The following ZDHHC5 variants were observed in gnomAD, a reference collection of about 807,000 sequenced individuals.
ZDHHC5 encodes zDHHC palmitoyltransferase 5, also known as palmitoyltransferase ZDHHC5.
ZDHHC5 carries 22 observed loss-of-function variants against 70.0 expected under a neutral mutation model. The ratio of observed to expected loss-of-function variants is 0.31; its 90% CI spans 0.22 to 0.45. The LOEUF (loss-of-function observed/expected upper bound fraction) is 0.45. Among genes scored for constraint, ZDHHC5 ranks in the 20% least tolerant of loss-of-function variants. The probability of loss-of-function intolerance (pLI) is 1.00; values close to 1 mark genes in which losing one functional copy is unlikely to be tolerated. For missense variants in ZDHHC5, 746 were observed against 926.9 expected, an observed-to-expected ratio of 0.80 and a Z score of 2.53; for synonymous variants, 313 against 347.8, an observed-to-expected ratio of 0.90 and a Z score of 1.11.
Position 57,699,143 on chromosome 11 carries a change from A to G in ZDHHC5, c.1707A>G (p.Ser569=). ...GREEEPGLGD[S]GIQSTPGSGH... Reference sequence around the variant, plus strand: ...AGGAAGAACCAGGCTTGGGGGACTCAGGCATTCAGTCAACACCAGGCTCGG... The same window carrying G: ...AGGAAGAACCAGGCTTGGGGGACTCGGGCATTCAGTCAACACCAGGCTCGG... The change falls in exon 11 of 12, where the codon TCA becomes TCG. Residue 569 remains serine (S), a synonymous_variant. Coordinates refer to ENST00000287169, the MANE Select transcript of ZDHHC5 (RefSeq NM_015457.3). 6.2e-7 allele frequency: 1 copy of G among 1,614,248 alleles called. No individual in the cohort carries two copies. Among genetic ancestry groups the G allele is most frequent in the Non-Finnish European group, 8.5e-7 (1 of 1,180,036 alleles).
chr11:57,693,762 T>C, intron 7 of ZDHHC5, 21 bp from the exon 8 acceptor site: 1 of 1,542,724 alleles, frequency 6.5e-7, no homozygotes, highest in Non-Finnish European at 8.7e-7. Context: ...TGTCTCTCTC[T>C]CTCTCTCTCT....
intron 3 of ZDHHC5, 26 bp from the exon 4 acceptor site, chr11:57,688,482 T>G: frequency 6.6e-7 from 1 of 1,520,494 alleles, no homozygotes; most frequent in South Asian, 1.3e-5. Context: ...GCATAGTTGT[T>G]TTTAATTGAC....
At chr11:57,697,355 C>G (rs371842423) in intron 10 of ZDHHC5, among the ~76,000 whole-genome samples, 2 of 151,792 alleles carry the variant, frequency 1.3e-5, no homozygotes, top group Non-Finnish European at 2.9e-5. Context: ...CCCAGCTACT[C>G]GGGAGGCTGA....
At chr11:57,694,178 G>C (rs1271620317) in intron 8 of ZDHHC5, among the ~76,000 whole-genome samples, 1 of 151,828 alleles carries the variant, frequency 6.6e-6, no homozygotes, top group South Asian at 2.1e-4. Context: ...TTTTAGTAGA[G>C]ATGGGGTTTT....
intron 2 of ZDHHC5, among the ~76,000 whole-genome samples, chr11:57,675,130 C>A (rs1187135071): frequency 6.6e-6 from 1 of 152,132 alleles, no homozygotes; most frequent in East Asian, 1.9e-4. Flanking sequence ...ATCTTAGTAT[C>A]CTGTAGCAAT....
intron 9 of ZDHHC5, 63 bp from the exon 10 acceptor site, chr11:57,696,698 C>T (rs1946355875): frequency 3.5e-6 from 5 of 1,440,782 alleles, no homozygotes; most frequent in Non-Finnish European, 3.9e-6. Context: ...TAGAGTGAGA[C>T]CCTGTCTCTT....
chr11:57,692,494 T>TA, intron 6 of ZDHHC5, 117 bp from the exon 7 acceptor site: 1 of 776,978 alleles, frequency 1.3e-6, no homozygotes, highest in Non-Finnish European at 2.1e-6. Flanking sequence ...TCTTGTGTTT[T>TA]ACTCATTTGC....
chr11:57,700,244 C>T lies in ZDHHC5; in HGVS notation c.*213C>T. 2.1e-6 allele frequency: 1 copy of T among 476,190 alleles called. No homozygotes were observed. 29.5% of individuals were successfully genotyped at this position (476,190 alleles called of 1,614,324 possible). A position where few individuals can be genotyped will look rare whatever the true frequency, so the allele number is the denominator to read the frequency against. ...CTGGGGTAGCAACCCCCCCTTTTAT[C>T]TTTTAAGACCTTCCCTTCCTTGATC... On this transcript the variant is annotated 3_prime_UTR_variant, in exon 12 of 12. Coordinates refer to ENST00000287169, the MANE Select transcript of ZDHHC5 (RefSeq NM_015457.3).
intron 3 of ZDHHC5, 110 bp from the exon 4 acceptor site, chr11:57,688,398 T>C: frequency 8.1e-7 from 1 of 1,240,524 alleles, no homozygotes; most frequent in South Asian, 1.9e-5. Flanking sequence ...TCTCACTCAT[T>C]AGACTGTGAA....
chr11:57,672,193 T>G lies in ZDHHC5; in HGVS notation c.-898T>G, dbSNP rs900881167. 4 of 398,470 alleles carry G rather than the reference T, an allele frequency of 1.0e-5. No individual in the cohort carries two copies. The highest frequency in any genetic ancestry group is 8.2e-5 in the African/African-American group (4 of 48,640). The allele number at this position is 398,470 out of a possible 1,614,324, so 24.7% of individuals were successfully genotyped here. A position where few individuals can be genotyped will look rare whatever the true frequency, so the allele number is the denominator to read the frequency against. ...TGATTTCTTCATCTTATTCTGCCTA[T>G]TGGGAAGAACATGGCTTCAAGGATT... is the stretch of plus-strand genomic sequence containing the variant. On this transcript the variant is annotated 5_prime_UTR_variant, in exon 2 of 12. Coordinates refer to ENST00000287169, the MANE Select transcript of ZDHHC5 (RefSeq NM_015457.3).
chr11:57,671,030 A>T (rs1946000528), intron 1 of ZDHHC5, among the ~76,000 whole-genome samples: 1 of 152,102 alleles, frequency 6.6e-6, no homozygotes, highest in Admixed American at 6.6e-5. Context: ...CTAACTTAAA[A>T]TTTTTGGCTT....
At chr11:57,692,805 G>C (rs527310962) in intron 7 of ZDHHC5, 103 bp downstream of exon 7, 18 of 1,171,278 alleles carry the variant, frequency 1.5e-5, no homozygotes, top group Middle Eastern at 2.2e-4. Flanking sequence ...CTTTAGGAAG[G>C]GTTCTCTATC....
intron 5 of ZDHHC5, 34 bp from the exon 6 acceptor site, chr11:57,690,301 T>C (rs1161877486): frequency 1.2e-6 from 2 of 1,613,978 alleles, no homozygotes; most frequent in East Asian, 2.2e-5. Flanking sequence ...AGTGAGGTCA[T>C]GTTGCTCTGT....
intron 4 of ZDHHC5, 134 bp downstream of exon 4, chr11:57,688,799 A>G: frequency 2.1e-6 from 2 of 943,540 alleles, no homozygotes; most frequent in South Asian, 6.6e-5. Context: ...AGCTCTGTCA[A>G]ATGGTGTTAA....
rs1262248220 is a variant in ZDHHC5 at position 57,699,973 on chromosome 11, G to A, written c.2090G>A (p.Arg697Lys). The change falls in exon 12 of 12, where the codon AGG becomes AAG. Residue 697 changes from arginine (R) to lysine (K), a missense_variant. By Grantham distance (26) the Arg-to-Lys change is conservative. Coordinates refer to ENST00000287169, the MANE Select transcript of ZDHHC5 (RefSeq NM_015457.3). Reference sequence around the variant, plus strand: ...CAGCCACCTCTCAGTAGCCCCACGAGGGGAGGAGTCAAGAAGGTGTCAGGG... The same window carrying A: ...CAGCCACCTCTCAGTAGCCCCACGAAGGGAGGAGTCAAGAAGGTGTCAGGG... ...PGQPPLSSPT[R>K]GGVKKVSGVG... 2 of 1,613,524 alleles carry A rather than the reference G, an allele frequency of 1.2e-6. No individual in the cohort carries two copies. Among genetic ancestry groups the A allele is most frequent in the Non-Finnish European group, 1.7e-6 (2 of 1,179,764 alleles).
chr11:57,671,420 C>T (rs1282802983), intron 1 of ZDHHC5, among the ~76,000 whole-genome samples: 1 of 152,136 alleles, frequency 6.6e-6, no homozygotes, highest in African/African-American at 2.4e-5. Context: ...CTATGCTATG[C>T]TTATTCAGTT....
chr11:57,673,328 C>A, intron 2 of ZDHHC5, 134 bp downstream of exon 2: 1 of 734,426 alleles, frequency 1.4e-6, no homozygotes, highest in Non-Finnish European at 2.2e-6. Flanking sequence ...AAATCCAAAT[C>A]CCAGAGACAT....
chr11:57,687,960 G>A (rs768473984), intron 3 of ZDHHC5, among the ~76,000 whole-genome samples: 6 of 151,684 alleles, frequency 4.0e-5, no homozygotes, highest in Non-Finnish European at 8.8e-5. Flanking sequence ...TAGTAGAGAC[G>A]AGGTTTCACC....
intron 2 of ZDHHC5, among the ~76,000 whole-genome samples, chr11:57,674,332 T>A (rs553106424): frequency 3.3e-5 from 5 of 151,866 alleles, no homozygotes; most frequent in Admixed American, 2.6e-4. Flanking sequence ...TTTTTTTTTT[T>A]ATTAAGCTCT....
Sources: allele counts gnomAD v4.1 joint callset (sites outside exome capture counted in the v4.1 genomes callset), GRCh38; gene constraint gnomAD v4.1.1; transcripts MANE v1.5; gene names NCBI Gene and HGNC (gene_info 2026-07-23, HGNC 2026-07-21).